HHAT: variants seen among roughly 807,000 people sequenced by gnomAD.
The protein encoded by HHAT is hedgehog acyltransferase.
In HHAT, 47 loss-of-function variants were observed where a neutral mutation model predicts 70.8. The observed-to-expected ratio is 0.66, with a 90% CI of 0.53 to 0.85. The LOEUF is 0.85. Among genes scored for constraint, HHAT ranks in the 40% least tolerant of loss-of-function variants. The probability of loss-of-function intolerance (pLI) is 0.00; values close to 1 mark genes in which losing one functional copy is unlikely to be tolerated. For missense variants in HHAT, 609 were observed against 604.8 expected (o/e 1.01, Z -0.07); for synonymous variants, 228 against 247.6 (o/e 0.92, Z 0.74).
chr1:210,526,456 G>A (rs1185973030), intron 9 of HHAT, among the ~76,000 whole-genome samples: 2 of 150,742 alleles, frequency 1.3e-5, no homozygotes, highest in African/African-American at 4.9e-5. Flanking sequence ...ATGATCTTTA[G>A]TTAGCTTTGC....
chr1:210,418,521 G>A (rs1008836526), intron 7 of HHAT, among the ~76,000 whole-genome samples, 196 bp downstream of exon 7: 2 of 152,250 alleles, frequency 1.3e-5, no homozygotes, highest in South Asian at 4.1e-4. Context: ...CGGAAGTGAG[G>A]GCTGTGCTTG....
At position 210,631,302 on chromosome 1, in the gene HHAT, C is replaced by A. The variant is rs80151856; in HGVS notation, c.1390+7632C>A. 59 of 357,664 alleles carry A rather than the reference C, an allele frequency of 1.6e-4. No individual in the cohort carries two copies. In the East Asian group the frequency reaches 2.7e-3, roughly 16 times the overall value. 22.2% of individuals were successfully genotyped at this position (357,664 alleles called of 1,614,324 possible). A position where few individuals can be genotyped will look rare whatever the true frequency, so the allele number is the denominator to read the frequency against. Reference sequence around the variant, plus strand: ...CCTGGGTGTCACTATCAGAGACAGTCTAAAGTGCCTGGTTAATTGTTCTGA... The same window carrying A: ...CCTGGGTGTCACTATCAGAGACAGTATAAAGTGCCTGGTTAATTGTTCTGA... On this transcript the variant is annotated intron_variant, in intron 11 of 11. Coordinates refer to ENST00000261458, the MANE Select transcript of HHAT (RefSeq NM_018194.6).
intron 3 of HHAT, among the ~76,000 whole-genome samples, chr1:210,366,490 C>T (rs763333086): frequency 2.0e-5 from 3 of 152,084 alleles, no homozygotes; most frequent in Non-Finnish European, 2.9e-5. Context: ...CAGGTGTGTG[C>T]CTGTAATCCC....
chr1:210,566,777 C>T (rs1348867141), intron 9 of HHAT, among the ~76,000 whole-genome samples: 4 of 152,186 alleles, frequency 2.6e-5, no homozygotes, highest in Non-Finnish European at 5.9e-5. Flanking sequence ...AAAACCCCTG[C>T]ATTCATCCTT....
In HHAT at chr1:210,619,646, C is replaced by T. The variant is rs57524489; in HGVS notation, c.1246-3880C>T. Among the ~76,000 whole-genome samples, 707 of 152,250 alleles carry T rather than the reference C, an allele frequency of 4.6e-3. 3 individuals carry two copies. The highest frequency in any genetic ancestry group is 0.016 in the African/African-American group (677 of 41,536). On this transcript the variant is annotated intron_variant, in intron 10 of 11. Transcript: ENST00000261458. ...CGGCTCCGTCCTGCACATTGCCGTG[C>T]GCTTATTATCCCTGGCCCCTGCCCA... is the stretch of plus-strand genomic sequence containing the variant.
intron 11 of HHAT, among the ~76,000 whole-genome samples, chr1:210,657,359 A>C (rs948218191): frequency 6.6e-6 from 1 of 152,186 alleles, no homozygotes; most frequent in Non-Finnish European, 1.5e-5. Flanking sequence ...ACCAGTCCCA[A>C]TCTTCAGTGT....
intron 3 of HHAT, among the ~76,000 whole-genome samples, chr1:210,378,439 T>C (rs1014446019): frequency 6.6e-6 from 1 of 152,194 alleles, no homozygotes; most frequent in Admixed American, 6.5e-5. Flanking sequence ...ATAAGGAAAA[T>C]AGTAAATATA....
intron 9 of HHAT, among the ~76,000 whole-genome samples, chr1:210,525,301 G>C (rs1214607095): frequency 1.3e-5 from 2 of 151,992 alleles, no homozygotes; most frequent in East Asian, 1.9e-4. Flanking sequence ...ATAATGTGTT[G>C]GTGAGTCCTC....
At chr1:210,638,523 G>C (rs1672349795) in intron 11 of HHAT, among the ~76,000 whole-genome samples, 1 of 152,118 alleles carries the variant, frequency 6.6e-6, no homozygotes, top group African/African-American at 2.4e-5. Flanking sequence ...GGGAGGGATA[G>C]GGATTTGTAG....
chr1:210,400,047 T>C lies in HHAT; in HGVS notation c.274-421T>C, dbSNP rs2148195019. Among the ~76,000 whole-genome samples, 3 of 152,350 alleles carry C rather than the reference T, an allele frequency of 2.0e-5. No individual in the cohort carries two copies. In the South Asian group the frequency reaches 6.2e-4, roughly 32 times the overall value. ...CTTAATAGGTCTTCCTAGAAATGTG[T>C]ACTAATACTTTCTCTCACCTTCACT... On this transcript the variant is annotated intron_variant, in intron 4 of 11. Transcript: ENST00000261458.
chr1:210,632,859 A>AT (rs1671144555), intron 11 of HHAT, among the ~76,000 whole-genome samples: 3 of 152,324 alleles, frequency 2.0e-5, no homozygotes, highest in Non-Finnish European at 4.4e-5. Flanking sequence ...AGACATGCAC[A>AT]GAGGAAGATA....
rs182479914 is a variant in HHAT at position 210,466,378 on chromosome 1, A to T, written c.1007+1723A>T. Among the ~76,000 whole-genome samples, 364 of 152,346 alleles carry T rather than the reference A, an allele frequency of 2.4e-3. 3 individuals carry two copies. Among genetic ancestry groups the T allele is most frequent in the Non-Finnish European group, 3.7e-3 (249 of 68,032 alleles). On this transcript the variant is annotated intron_variant, in intron 8 of 11. Transcript: ENST00000261458. ...AATGTTGGCAAAGAGGTGCTCTCTA[A>T]CTAGAAGGCCAGGGAGTGGTTTTTG...
At chr1:210,501,052 A>G (rs1333330830) in intron 8 of HHAT, among the ~76,000 whole-genome samples, 1 of 152,182 alleles carries the variant, frequency 6.6e-6, no homozygotes, top group Non-Finnish European at 1.5e-5. Flanking sequence ...GACCTCTCAC[A>G]GCACCTCATG....
chr1:210,478,816 T>C (rs962301313), intron 8 of HHAT, among the ~76,000 whole-genome samples: 3 of 152,210 alleles, frequency 2.0e-5, no homozygotes, highest in African/African-American at 7.2e-5. Context: ...CAGTCTTAGA[T>C]GGATACTCTG....
rs749015922 is a variant in HHAT, at chr1:210,418,160, C to G, written c.691C>G (p.Gln231Glu). The G allele has an allele frequency of 6.2e-7, 1 of 1,614,098 alleles. No individual in the cohort carries two copies. The highest frequency in any genetic ancestry group is 1.7e-5 in the Admixed American group (1 of 60,022). The change falls in exon 7 of 12, where the codon CAG (glutamine) becomes GAG (glutamate). Residue 231 changes from glutamine (Q) to glutamate (E), a missense_variant. Coordinates refer to ENST00000261458, the MANE Select transcript of HHAT (RefSeq NM_018194.6). Reference sequence around the variant, plus strand: ...TCTTTTGTTTCCACTTTAGATGCAGCAGCAGGAGCATGACTCCCTGAAGGC... The same window carrying G: ...TCTTTTGTTTCCACTTTAGATGCAGGAGCAGGAGCATGACTCCCTGAAGGC... Reference protein sequence around the residue: ...SFSEFIKQMQQQEHDSLKASL... With the variant: ...SFSEFIKQMQEQEHDSLKASL...
chr1:210,527,284 C>T (rs953509608), intron 9 of HHAT, among the ~76,000 whole-genome samples: 5 of 152,052 alleles, frequency 3.3e-5, no homozygotes, highest in African/African-American at 4.8e-5. Context: ...TGTGGTCTCT[C>T]GTGGTTTTTC....
intron 8 of HHAT, among the ~76,000 whole-genome samples, chr1:210,510,080 G>A (rs1212807637): frequency 6.6e-6 from 1 of 152,196 alleles, no homozygotes; most frequent in African/African-American, 2.4e-5. Context: ...GACATATTTT[G>A]CCTTTCAGAG....
At chr1:210,473,304 T>C (rs968140101) in intron 8 of HHAT, among the ~76,000 whole-genome samples, 67 of 152,320 alleles carry the variant, frequency 4.4e-4, no homozygotes, top group African/African-American at 1.6e-3. Flanking sequence ...TTAAGGTTAA[T>C]GCTGGTCACT....
chr1:210,423,508 G>C (rs1000634384), intron 7 of HHAT, among the ~76,000 whole-genome samples: 1 of 152,166 alleles, frequency 6.6e-6, no homozygotes, highest in African/African-American at 2.4e-5. Flanking sequence ...TATTCTGTAA[G>C]TTGTCTTTTC....
Sources: allele counts gnomAD v4.1 joint callset (sites outside exome capture counted in the v4.1 genomes callset), GRCh38; gene constraint gnomAD v4.1.1; transcripts MANE v1.5; gene names NCBI Gene and HGNC (gene_info 2026-07-23, HGNC 2026-07-21).